SOX5: variants seen among roughly 807,000 people sequenced by gnomAD.
The protein encoded by SOX5 is SRY-box transcription factor 5.
In SOX5, 9 loss-of-function variants were observed where a neutral mutation model predicts 92.0. That is an observed-to-expected ratio of 0.10 (90% CI 0.06 to 0.17). The LOEUF (loss-of-function observed/expected upper bound fraction) is 0.17, where lower values mean the gene tolerates loss of function less well. Among genes scored for constraint, SOX5 ranks in the 10% least tolerant of loss-of-function variants. The pLI is 1.00. For synonymous variants in SOX5, 344 were observed against 336.3 expected, an observed-to-expected ratio of 1.02 and a Z score of -0.25; for missense variants, 642 against 944.5, an observed-to-expected ratio of 0.68 and a Z score of 4.20.
chr12:23,939,270 G>A (rs1943176074), intron 1 of SOX5, among the ~76,000 whole-genome samples: 2 of 151,004 alleles, frequency 1.3e-5, no homozygotes. Flanking sequence ...TGCCCAACTG[G>A]ATGATTTCCA....
intron 4 of SOX5, among the ~76,000 whole-genome samples, chr12:24,032,390 A>G (rs1955601488): frequency 1.3e-5 from 2 of 151,894 alleles, no homozygotes; most frequent in African/African-American, 4.8e-5. Flanking sequence ...AAACATCAGT[A>G]CCTTTTATAA....
chr12:24,313,280 C>A (rs1329203408), intron 2 of SOX5, among the ~76,000 whole-genome samples: 1 of 152,144 alleles, frequency 6.6e-6, no homozygotes, highest in Non-Finnish European at 1.5e-5. Context: ...GTAACCCCAG[C>A]ACTTTGGGAG....
At chr12:24,401,423 G>A (rs1006563953) in intron 1 of SOX5, among the ~76,000 whole-genome samples, 9 of 150,528 alleles carry the variant, frequency 6.0e-5, no homozygotes, top group Non-Finnish European at 1.3e-4. Flanking sequence ...TTAAAAATTT[G>A]TACTGGCCAG....
At chr12:23,861,490 T>G (rs1368564540) in intron 2 of SOX5, among the ~76,000 whole-genome samples, 1 of 152,192 alleles carries the variant, frequency 6.6e-6, no homozygotes, top group Non-Finnish European at 1.5e-5. Flanking sequence ...TTTTGAATTT[T>G]GGACAGATGT....
intron 1 of SOX5, among the ~76,000 whole-genome samples, chr12:24,547,679 C>T (rs973639490): frequency 6.6e-6 from 1 of 152,152 alleles, no homozygotes; most frequent in Admixed American, 6.5e-5. Context: ...TAATAAAATA[C>T]TCAGCTCAGG....
At chr12:23,864,678 A>C (rs1378160162) in intron 2 of SOX5, among the ~76,000 whole-genome samples, 6 of 152,214 alleles carry the variant, frequency 3.9e-5, no homozygotes. Context: ...AATTCCATGA[A>C]GGCTGAGAGA....
chr12:23,773,730 A>G (rs1235697450), intron 3 of SOX5, among the ~76,000 whole-genome samples: 1 of 152,074 alleles, frequency 6.6e-6, no homozygotes, highest in Non-Finnish European at 1.5e-5. Flanking sequence ...AAAAAAAAAA[A>G]TTGAGTTTTA....
At chr12:23,864,056 G>A (rs2096785759) in intron 2 of SOX5, among the ~76,000 whole-genome samples, 1 of 151,552 alleles carries the variant, frequency 6.6e-6, no homozygotes, top group Non-Finnish European at 1.5e-5. Context: ...CATTTTTACA[G>A]CATGTCTCTG....
At chr12:24,305,971 A>C (rs773825568) in intron 2 of SOX5, among the ~76,000 whole-genome samples, 1 of 152,200 alleles carries the variant, frequency 6.6e-6, no homozygotes, top group Non-Finnish European at 1.5e-5. Flanking sequence ...CCAAACAAAA[A>C]CAACCCTATA....
chr12:23,600,522 C>CATATGTATATATATAT (rs1555190979), intron 9 of SOX5, among the ~76,000 whole-genome samples: 1 of 39,802 alleles, frequency 2.5e-5, no homozygotes, highest in Non-Finnish European at 5.3e-5. Flanking sequence ...GGGGGGGGTG[C>CATATGTATATATATAT]ATATATATAT....
chr12:23,981,026 C>A (rs1377560108), intron 4 of SOX5, among the ~76,000 whole-genome samples: 2 of 152,134 alleles, frequency 1.3e-5, no homozygotes, highest in Non-Finnish European at 2.9e-5. Flanking sequence ...CTTCTGAATT[C>A]CCCAGTAATG....
chr12:23,749,419 G>T (rs2094113419), intron 4 of SOX5, among the ~76,000 whole-genome samples: 1 of 151,630 alleles, frequency 6.6e-6, no homozygotes, highest in African/African-American at 2.4e-5. Context: ...TGTTGTTTTT[G>T]CTTCAGTATC....
At chr12:23,635,815 C>T (rs942106147) in intron 8 of SOX5, among the ~76,000 whole-genome samples, 45 of 152,030 alleles carry the variant, frequency 3.0e-4, no homozygotes, top group Admixed American at 9.2e-4. Context: ...TAGCTCGACC[C>T]AAATGAGTGA....
At chr12:24,447,519 A>G (rs537797258) in intron 1 of SOX5, among the ~76,000 whole-genome samples, 1 of 152,206 alleles carries the variant, frequency 6.6e-6, no homozygotes, top group Non-Finnish European at 1.5e-5. Flanking sequence ...GGAACAGAAA[A>G]ATGACACTAC....
chr12:23,810,412 A>G (rs951574284), intron 3 of SOX5, among the ~76,000 whole-genome samples: 2 of 152,184 alleles, frequency 1.3e-5, no homozygotes, highest in Non-Finnish European at 2.9e-5. Context: ...GAGACACACA[A>G]TGCAGGCTCA....
chr12:24,273,103 A>G (rs1044895707), intron 3 of SOX5, among the ~76,000 whole-genome samples: 1 of 152,102 alleles, frequency 6.6e-6, no homozygotes, highest in Non-Finnish European at 1.5e-5. Flanking sequence ...AAGCATGGTG[A>G]CATGTGCCTG....
intron 3 of SOX5, among the ~76,000 whole-genome samples, chr12:24,229,119 T>G (rs1056288464): frequency 6.6e-6 from 1 of 152,214 alleles, no homozygotes; most frequent in African/African-American, 2.4e-5. Flanking sequence ...CCGCTTGGGT[T>G]GTGGATGGCA....
chr12:24,254,241 T>C (rs1026897014), intron 3 of SOX5, among the ~76,000 whole-genome samples: 2 of 151,996 alleles, frequency 1.3e-5, no homozygotes, highest in Admixed American at 6.6e-5. Flanking sequence ...TTCTTAACTG[T>C]TCTGTGATAT....
At chr12:23,691,362 C>A (rs2088770212) in intron 6 of SOX5, among the ~76,000 whole-genome samples, 1 of 152,174 alleles carries the variant, frequency 6.6e-6, no homozygotes, top group Non-Finnish European at 1.5e-5. Flanking sequence ...CCTCAACTAG[C>A]TTTAGTTAAG....
Sources: allele counts gnomAD v4.1 joint callset (sites outside exome capture counted in the v4.1 genomes callset), GRCh38; gene constraint gnomAD v4.1.1; transcripts MANE v1.5; gene names NCBI Gene and HGNC (gene_info 2026-07-23, HGNC 2026-07-21).